Variants in SBF2 observed in about 807,000 individuals in gnomAD.
SBF2 encodes the protein myotubularin-related protein 13.
SBF2 carries 112 observed loss-of-function variants against 225.2 expected under a neutral mutation model. That is an observed-to-expected ratio of 0.50 (90% CI 0.43 to 0.58). The LOEUF is 0.58. Among genes scored for constraint, SBF2 ranks in the 20% least tolerant of loss-of-function variants. The pLI is 0.00. For synonymous variants in SBF2, 763 were observed against 773.3 expected (o/e 0.99, Z 0.22); for missense variants, 1,996 against 2,206.2 (o/e 0.90, Z 1.91).
chr11:9,920,099 A>ATT (rs1863484228), intron 16 of SBF2, among the ~76,000 whole-genome samples: 1 of 152,070 alleles, frequency 6.6e-6, no homozygotes, highest in Non-Finnish European at 1.5e-5. Flanking sequence ...AGAAATAGAA[A>ATT]TAAGACTCAG....
intron 2 of SBF2, among the ~76,000 whole-genome samples, chr11:10,181,815 T>C (rs1004090654): frequency 2.0e-5 from 3 of 152,194 alleles, no homozygotes; most frequent in African/African-American, 7.2e-5. Context: ...GCTATAAAAG[T>C]AGATACAGCC....
chr11:9,947,674 C>G (rs1294034395), intron 16 of SBF2, among the ~76,000 whole-genome samples: 1 of 152,156 alleles, frequency 6.6e-6, no homozygotes, highest in Non-Finnish European at 1.5e-5. Context: ...CTTGCTCATA[C>G]TGTCACTAAC....
rs1408131713 is a variant in SBF2, at chr11:9,968,303, A to G, written c.1600+38T>C. ...TCCTTTTTGGGTCTTACATCCTTAT[A>G]AACAGTTTACTTTTAAAACAGACAG... On this transcript the variant is annotated intron_variant, in intron 14 of 39. Coordinates refer to ENST00000256190, the MANE Select transcript of SBF2 (RefSeq NM_030962.4). The G allele has an allele frequency of 2.5e-6, 4 of 1,583,322 alleles. No individual in the cohort carries two copies. The South Asian group carries it at 4.4e-5, about 18-fold the overall frequency.
intron 32 of SBF2, among the ~76,000 whole-genome samples, chr11:9,807,613 C>T (rs1002571716): frequency 7.2e-5 from 11 of 152,180 alleles, no homozygotes; most frequent in Non-Finnish European, 1.6e-4. Flanking sequence ...TAGGCTTTAC[C>T]TCTTATGTTC....
chr11:10,143,973 C>A (rs1249979835), intron 2 of SBF2, among the ~76,000 whole-genome samples: 1 of 152,164 alleles, frequency 6.6e-6, no homozygotes, highest in Non-Finnish European at 1.5e-5. Context: ...CCCGTCTCGG[C>A]CTCCCAAAGT....
intron 3 of SBF2, among the ~76,000 whole-genome samples, chr11:10,035,146 T>G (rs1457207307): frequency 1.3e-5 from 2 of 152,026 alleles, no homozygotes; most frequent in Non-Finnish European, 2.9e-5. Flanking sequence ...TTCTTTTTTT[T>G]TGTATTTTTA....
At chr11:9,994,593 T>TATATATATATATATATATATA (rs1481026391) in intron 9 of SBF2, among the ~76,000 whole-genome samples, 1 of 149,780 alleles carries the variant, frequency 6.7e-6, no homozygotes, top group African/African-American at 2.5e-5. Context: ...TATATATATA[T>TATATATATATATATATATATA]GAAAATGAAA....
At chr11:10,137,526 C>T (rs1591044432) in intron 2 of SBF2, among the ~76,000 whole-genome samples, 1 of 152,170 alleles carries the variant, frequency 6.6e-6, no homozygotes, top group African/African-American at 2.4e-5. Context: ...ATGTTACCTT[C>T]GGCTTTCTGT....
intron 16 of SBF2, among the ~76,000 whole-genome samples, chr11:9,955,867 G>GT (rs932004442): frequency 3.1e-5 from 4 of 126,990 alleles, no homozygotes; most frequent in African/African-American, 1.1e-4. Flanking sequence ...TATTACCTTA[G>GT]TTTTAAAAAA....
intron 1 of SBF2, among the ~76,000 whole-genome samples, chr11:10,208,617 T>G (rs969481012): frequency 2.0e-5 from 3 of 152,014 alleles, no homozygotes; most frequent in Admixed American, 2.0e-4. Context: ...AAAGAAGCTG[T>G]TTTTTGGCAA....
chr11:10,104,689 C>T (rs1293564963), intron 2 of SBF2, among the ~76,000 whole-genome samples: 1 of 152,188 alleles, frequency 6.6e-6, no homozygotes, highest in East Asian at 1.9e-4. Context: ...ACATTAGATT[C>T]TACCAGTGCA....
intron 16 of SBF2, among the ~76,000 whole-genome samples, chr11:9,911,893 T>C (rs1862649725): frequency 6.6e-6 from 1 of 152,250 alleles, no homozygotes; most frequent in Non-Finnish European, 1.5e-5. Context: ...GGCTATACCA[T>C]ATAACCTAGG....
At chr11:9,849,302 G>T (rs1856762936) in intron 22 of SBF2, among the ~76,000 whole-genome samples, 1 of 152,130 alleles carries the variant, frequency 6.6e-6, no homozygotes, top group Non-Finnish European at 1.5e-5. Flanking sequence ...GTCCAGAAAG[G>T]TTAAGTGATT....
In SBF2 at chr11:10,303,970, C is replaced by T. The variant is rs1964623688; in HGVS notation, n.386+522G>A. Among the ~76,000 whole-genome samples the T allele has an allele frequency of 6.6e-6, 1 of 152,094 alleles. No homozygotes were observed. The highest frequency in any genetic ancestry group is 1.5e-5 in the Non-Finnish European group (1 of 68,022). Reference sequence around the variant, plus strand: ...CTTTGCCCCTTGAGAAGTTGGTGACCCCAGCCTAGAGGAATCCACGCCGCG... The same window carrying T: ...CTTTGCCCCTTGAGAAGTTGGTGACTCCAGCCTAGAGGAATCCACGCCGCG... On this transcript the variant is annotated intron_variant and non_coding_transcript_variant, in intron 1 of 5. Transcript: ENST00000685217. This position sits in a 1 kb window ranked among gnomAD's most constrained non-coding sequence, Gnocchi z 5.2.
chr11:10,053,005 G>A (rs1219871306), intron 2 of SBF2, among the ~76,000 whole-genome samples: 1 of 152,136 alleles, frequency 6.6e-6, no homozygotes, highest in Admixed American at 6.6e-5. Flanking sequence ...CTGAAGGTAT[G>A]CATGTATGTA....
At chr11:10,300,907 C>T (rs1424030112) in intron 1 of SBF2, among the ~76,000 whole-genome samples, 1 of 151,886 alleles carries the variant, frequency 6.6e-6, no homozygotes, top group East Asian at 1.9e-4. Context: ...CCTCAGCCTC[C>T]CAAAGTGCTA....
intron 17 of SBF2, among the ~76,000 whole-genome samples, chr11:9,889,472 T>A (rs1263797679): frequency 6.6e-6 from 1 of 152,180 alleles, no homozygotes; most frequent in East Asian, 1.9e-4. Flanking sequence ...AGAAATTAAA[T>A]AACTATAAAA....
chr11:9,853,930 G>A (rs917639519), intron 19 of SBF2, among the ~76,000 whole-genome samples: 1 of 152,138 alleles, frequency 6.6e-6, no homozygotes, highest in Non-Finnish European at 1.5e-5. Flanking sequence ...GTAAGTTTCT[G>A]TAAGGAAATT....
intron 3 of SBF2, among the ~76,000 whole-genome samples, chr11:10,038,660 T>C (rs1165807766): frequency 6.6e-6 from 1 of 151,902 alleles, no homozygotes; most frequent in South Asian, 2.1e-4. Flanking sequence ...TGGAGAAACG[T>C]ATCTTATGTC....
Sources: gnomAD v4.1 joint callset for allele counts (sites outside exome capture counted in the v4.1 genomes callset) on GRCh38, gnomAD v4.1.1 for gene constraint, Gnocchi (gnomAD v3.1) non-coding constraint, MANE v1.5 for transcripts, NCBI Gene and HGNC (gene_info 2026-07-23, HGNC 2026-07-21) for gene names.